BRD7: variants seen among roughly 807,000 people sequenced by gnomAD.
BRD7 encodes the protein bromodomain-containing protein 7.
BRD7 carries 15 observed loss-of-function variants against 82.1 expected under a neutral mutation model. The ratio of observed to expected loss-of-function variants is 0.18; its 90% CI spans 0.12 to 0.28. The LOEUF is 0.28. Ranked by LOEUF, BRD7 falls within the 10% of genes least tolerant of loss-of-function variation. BRD7 has a pLI of 1.00. For missense variants in BRD7, 638 were observed against 779.9 expected, an observed-to-expected ratio of 0.82 and a Z score of 2.17; for synonymous variants, 232 against 266.9, an observed-to-expected ratio of 0.87 and a Z score of 1.27.
chr16:50,354,628 T>A, intron 3 of BRD7, 146 bp from the exon 4 acceptor site: 1 of 1,217,488 alleles, frequency 8.2e-7, no homozygotes, highest in Non-Finnish European at 1.2e-6. Flanking sequence ...TTGAGAGTAT[T>A]AATCCAAAAT....
chr16:50,350,932 C>T (rs1482881146), intron 4 of BRD7, among the ~76,000 whole-genome samples: 1 of 152,150 alleles, frequency 6.6e-6, no homozygotes, highest in Non-Finnish European at 1.5e-5. Flanking sequence ...AGTGATATTT[C>T]CACAGATGAG....
At position 50,316,429 on chromosome 16, in the gene BRD7, T is replaced by TGCC. The variant is rs2036802662; in HGVS notation, c.*2779_*2781dup. The TGCC allele has an allele frequency of 6.6e-6, 1 of 152,394 alleles. No homozygotes were observed. Among genetic ancestry groups the TGCC allele is most frequent in the African/African-American group, 2.4e-5 (1 of 41,462 alleles). The allele number at this position is 152,394 out of a possible 1,614,324, so 9.4% of individuals were successfully genotyped here. On this transcript the variant is annotated 3_prime_UTR_variant, in exon 17 of 17. Coordinates refer to ENST00000394688, the MANE Select transcript of BRD7 (RefSeq NM_013263.5). ...ACTCACACATCTTTGCGTTCTCCCC[T>TGCC]GCCGTCCTTCAACTGTATCTTACTT...
Position 50,368,112 on chromosome 16 carries a change from C to T in BRD7, c.236G>A (p.Gly79Glu). 6.2e-7 allele frequency: 1 copy of T among 1,613,980 alleles called. No individual in the cohort carries two copies. Among genetic ancestry groups the T allele is most frequent in the Non-Finnish European group, 8.5e-7 (1 of 1,179,868 alleles). The change falls in exon 2 of 17, where the codon GGG becomes GAG. Residue 79 changes from glycine (G) to glutamate (E), a missense_variant. Transcript: ENST00000394688. ...TACCTTAACTCTTCTCCGTTTTCTC[C>T]CCTTTTCTTCCCCTGGAATCTGCTT... ...GEKQIPGEEK[G>E]RKRRRVKEDK...
intron 5 of BRD7, among the ~76,000 whole-genome samples, chr16:50,341,928 T>TCTCACA (rs780059612): frequency 0.033 from 4,720 of 143,628 alleles, 103 homozygotes; most frequent in Middle Eastern, 0.057. Flanking sequence ...TGCACACTTT[T>TCTCACA]CACACACACA....
At chr16:50,325,594 T>C (rs141735595) in intron 11 of BRD7, among the ~76,000 whole-genome samples, 154 bp downstream of exon 11, 7 of 152,272 alleles carry the variant, frequency 4.6e-5, no homozygotes, top group Non-Finnish European at 8.8e-5. Context: ...TAAAGGATAA[T>C]AGTAACTATG....
chr16:50,365,958 T>C (rs1016265242), intron 2 of BRD7, among the ~76,000 whole-genome samples: 1 of 150,358 alleles, frequency 6.7e-6, no homozygotes, highest in East Asian at 2.0e-4. Context: ...CATTGTGAAA[T>C]GTCAGAACAC....
Position 50,334,953 on chromosome 16 carries a change from C to G in BRD7, c.703-58G>C, listed in dbSNP as rs183879361. The G allele has an allele frequency of 1.3e-4, 127 of 1,008,610 alleles. No homozygotes were observed. The African/African-American group carries it at 1.8e-3, about 14-fold the overall frequency. The allele number at this position is 1,008,610 out of a possible 1,614,324, so 62.5% of individuals were successfully genotyped here. A position where few individuals can be genotyped will look rare whatever the true frequency, so the allele number is the denominator to read the frequency against. The stretch of plus-strand genomic sequence containing the variant: ...TTTGTCATTAACTTTTAAAGTAATG[C>G]ATTTTTTTCCCCACAGGAGTTTATA... On this transcript the variant is annotated intron_variant, in intron 6 of 16. Coordinates refer to ENST00000394688, the MANE Select transcript of BRD7 (RefSeq NM_013263.5).
At chr16:50,356,341 G>C (rs1345002280) in intron 2 of BRD7, among the ~76,000 whole-genome samples, 1 of 152,172 alleles carries the variant, frequency 6.6e-6, no homozygotes, top group Non-Finnish European at 1.5e-5. Flanking sequence ...AGACTTGTAA[G>C]AGATTACTGC....
At chr16:50,356,739 T>C (rs55992860) in intron 2 of BRD7, among the ~76,000 whole-genome samples, 33,025 of 148,388 alleles carry the variant, frequency 0.22, 4,188 homozygotes, top group African/African-American at 0.36. Context: ...TATATATATA[T>C]ACACACACAC....
chr16:50,333,426 C>A (rs1295244399), intron 8 of BRD7, 148 bp downstream of exon 8: 3 of 993,578 alleles, frequency 3.0e-6, no homozygotes, highest in Non-Finnish European at 4.4e-6. Flanking sequence ...ATTGTCTGTC[C>A]ATTATTAATT....
chr16:50,354,798 T>C lies in BRD7; in HGVS notation c.383A>G (p.Gln128Arg), dbSNP rs750271959. 20 of 1,610,882 alleles carry C rather than the reference T, an allele frequency of 1.2e-5. No homozygotes were observed. The highest frequency in any genetic ancestry group is 1.7e-5 in the Non-Finnish European group (20 of 1,179,624). Residue 128 changes from glutamine (Q) to arginine (R), a missense_variant, in exon 3 of 17, where the codon CAA (glutamine) becomes CGA (arginine). Around this residue, in one of 3 missense-constraint regions of BRD7, gnomAD observed 172 missense variants for 155.3 expected, o/e 1.11. Transcript: ENST00000394688. ...EKPLTSSLAK[Q>R]EEVEQTPLQE... ...TAATTCAGAGTTATTCCAACCTTCTTGTTTGGCTAAAGAGCTTGTGAGAGG... is the reference window on the plus strand; with the variant it reads ...TAATTCAGAGTTATTCCAACCTTCTCGTTTGGCTAAAGAGCTTGTGAGAGG...
At chr16:50,319,296 C>T (rs376865038) in intron 16 of BRD7, 30 bp from the exon 17 acceptor site, 13 of 1,604,622 alleles carry the variant, frequency 8.1e-6, no homozygotes, top group Non-Finnish European at 1.0e-5. Flanking sequence ...CTTAATTCAA[C>T]ATTGTTTTTA....
rs538870846 is a variant in BRD7, at chr16:50,349,421, A to C, written c.591+602T>G. On this transcript the variant is annotated intron_variant, in intron 5 of 16. Transcript: ENST00000394688. ...AAAAAAAATTAAAAAAATGTAAACC[A>C]TCTAAAAAAAAAAAAGAAAGTGTGT... The C allele has an allele frequency of 6.2e-4, 234 of 375,252 alleles. 2 individuals are homozygous for C. Among genetic ancestry groups the C allele is most frequent in the South Asian group, 3.2e-3 (157 of 48,458 alleles). 23.2% of individuals were successfully genotyped at this position (375,252 alleles called of 1,614,324 possible). A position where few individuals can be genotyped will look rare whatever the true frequency, so the allele number is the denominator to read the frequency against.
intron 13 of BRD7, 26 bp from the exon 14 acceptor site, chr16:50,320,800 T>C (rs754702314): frequency 1.3e-6 from 2 of 1,505,098 alleles, no homozygotes; most frequent in African/African-American, 2.8e-5. Flanking sequence ...AAACAGGCAA[T>C]TACTGGCGCT....
At chr16:50,337,502 C>T (rs774529251) in intron 6 of BRD7, among the ~76,000 whole-genome samples, 2 of 152,012 alleles carry the variant, frequency 1.3e-5, no homozygotes, top group African/African-American at 4.8e-5. Context: ...TCAGATGATC[C>T]GCCCACCTCA....
In BRD7 at chr16:50,335,540, G is replaced by GTTTCTCCGTAAATT. The variant is rs376448690; in HGVS notation, c.703-659_703-646dup. ...TTTTCATTGTAGTTAAGGGCTTGAGGTTTCTCCGTAAATTTTAAGAAGGCA... is the reference window on the plus strand; with the variant it reads ...TTTTCATTGTAGTTAAGGGCTTGAGGTTTCTCCGTAAATTTTTCTCCGTAAATTTTAAGAAGGCA... On this transcript the variant is annotated intron_variant, in intron 6 of 16. Transcript: ENST00000394688. Among the ~76,000 whole-genome samples the GTTTCTCCGTAAATT allele has an allele frequency of 6.4e-3, 968 of 152,288 alleles. 12 individuals are homozygous for GTTTCTCCGTAAATT. Among genetic ancestry groups the GTTTCTCCGTAAATT allele is most frequent in the African/African-American group, 0.022 (908 of 41,546 alleles).
rs983019073 is a variant in BRD7, at chr16:50,316,692, G to A, written c.*2519C>T. 4 of 152,318 alleles carry A rather than the reference G, an allele frequency of 2.6e-5. No individual in the cohort carries two copies. The highest frequency in any genetic ancestry group is 4.8e-5 in the African/African-American group (2 of 41,434). The allele number at this position is 152,318 out of a possible 1,614,324, so 9.4% of individuals were successfully genotyped here. On this transcript the variant is annotated 3_prime_UTR_variant, in exon 17 of 17. Transcript: ENST00000394688. ...GGCAAATGCAAAAAGCCAGGTTTTGGGGATGTGTCTTACTGTGCTTCAACT... is the reference window on the plus strand; with the variant it reads ...GGCAAATGCAAAAAGCCAGGTTTTGAGGATGTGTCTTACTGTGCTTCAACT...
intron 2 of BRD7, among the ~76,000 whole-genome samples, chr16:50,355,844 T>C (rs2038710062): frequency 2.6e-5 from 4 of 152,216 alleles, no homozygotes; most frequent in African/African-American, 7.2e-5. Context: ...ATTAAGTTGA[T>C]AAATTTTGGT....
rs757898250 is a variant in BRD7 at position 50,320,371 on chromosome 16, T to G, written c.1633A>C (p.Lys545Gln). 5 of 1,613,590 alleles carry G rather than the reference T, an allele frequency of 3.1e-6. No homozygotes were observed. The highest frequency in any genetic ancestry group is 4.2e-6 in the Non-Finnish European group (5 of 1,179,838). Residue 545 changes from lysine (K) to glutamine (Q), a missense_variant, in exon 15 of 17, where the codon AAA becomes CAA. Around this residue, in one of 3 missense-constraint regions of BRD7, gnomAD observed 402 missense variants for 500.8 expected, o/e 0.80. Coordinates refer to ENST00000394688, the MANE Select transcript of BRD7 (RefSeq NM_013263.5). ...AGCAATCTGGTGGTCTCATCAAGTT[T>G]CTTCTGGAATATTTCAGCTTCTGTG... ...DSEEAEIFQKKLDETTRLLRE... is the reference protein window; with the variant it reads ...DSEEAEIFQKQLDETTRLLRE...
Sources: allele counts gnomAD v4.1 joint callset (sites outside exome capture counted in the v4.1 genomes callset), GRCh38; gene constraint gnomAD v4.1.1; regional missense constraint gnomAD v4.1.1; transcripts MANE v1.5; gene names NCBI Gene and HGNC (gene_info 2026-07-23, HGNC 2026-07-21).